CHST3: variants seen among roughly 807,000 people sequenced by gnomAD.
CHST3 encodes carbohydrate sulfotransferase 3.
A neutral mutation model predicts 35.4 loss-of-function variants in CHST3; 20 were observed. That is an observed-to-expected ratio of 0.57 (90% CI 0.40 to 0.82). The LOEUF (loss-of-function observed/expected upper bound fraction) is 0.82, where lower values mean the gene tolerates loss of function less well. Ranked by LOEUF, CHST3 falls within the 40% of genes least tolerant of loss-of-function variation. The pLI is 0.00. For missense variants in CHST3, 693 were observed against 670.1 expected (o/e 1.03, Z -0.38); for synonymous variants, 334 against 295.9 (o/e 1.13, Z -1.32).
intron 1 of CHST3, among the ~76,000 whole-genome samples, chr10:71,969,364 G>A (rs1274137354): frequency 6.6e-6 from 1 of 152,208 alleles, no homozygotes; most frequent in Non-Finnish European, 1.5e-5. Flanking sequence ...TTTCAGTCGG[G>A]GTGGTATTTT....
chr10:71,974,991 G>A (rs1178686238), intron 1 of CHST3, among the ~76,000 whole-genome samples: 1 of 152,232 alleles, frequency 6.6e-6, no homozygotes, highest in Non-Finnish European at 1.5e-5. Context: ...TCTGGGTGGG[G>A]AGGGGACAGC....
At position 71,990,586 on chromosome 10, in the gene CHST3, C is replaced by G. The variant is rs530557726; in HGVS notation, c.-107-15150C>G. Among the ~76,000 whole-genome samples, 13 of 152,318 alleles carry G rather than the reference C, an allele frequency of 8.5e-5. No homozygotes were observed. The South Asian group carries it at 2.1e-3, about 24-fold the overall frequency. On this transcript the variant is annotated intron_variant, in intron 1 of 2. Coordinates refer to ENST00000373115, the MANE Select transcript of CHST3 (RefSeq NM_004273.5). ...CCATATTGGTCAGGCTGGTCTCAAACTCCCGCCCTCAGGTGATCCACCTGC... is the reference window on the plus strand; with the variant it reads ...CCATATTGGTCAGGCTGGTCTCAAAGTCCCGCCCTCAGGTGATCCACCTGC...
intron 1 of CHST3, among the ~76,000 whole-genome samples, chr10:71,996,038 C>T (rs1302978700): frequency 1.3e-5 from 2 of 152,162 alleles, no homozygotes; most frequent in East Asian, 3.8e-4. Flanking sequence ...TGTTTGTATT[C>T]ACAAAAACAT....
In CHST3 at chr10:72,008,364, G is replaced by C; in HGVS notation, c.1333G>C (p.Gly445Arg). 2 of 1,566,254 alleles carry C rather than the reference G, an allele frequency of 1.3e-6. No individual in the cohort carries two copies. Among genetic ancestry groups the C allele is most frequent in the Middle Eastern group, 1.7e-4 (1 of 5,934 alleles). Reference protein sequence around the residue: ...KLAQVVQAACGPAMRLFGYKL... With the variant: ...KLAQVVQAACRPAMRLFGYKL... ...GGCCCAGGTGGTGCAGGCCGCCTGC[G>C]GCCCTGCCATGCGCCTCTTCGGCTA... The change falls in exon 3 of 3, where the codon GGC becomes CGC. Residue 445 changes from glycine (G) to arginine (R), a missense_variant. Gly to Arg is a moderately radical substitution (Grantham distance 125). Transcript: ENST00000373115.
chr10:71,974,321 C>G (rs1022488397), intron 1 of CHST3, among the ~76,000 whole-genome samples: 1 of 152,180 alleles, frequency 6.6e-6, no homozygotes, highest in Non-Finnish European at 1.5e-5. Flanking sequence ...AGCAATGTCT[C>G]CATTTCACAG....
rs188494077 is a variant in CHST3 at position 72,013,545 on chromosome 10, T to C, written c.*5074T>C. On this transcript the variant is annotated 3_prime_UTR_variant, in exon 3 of 3. Coordinates refer to ENST00000373115, the MANE Select transcript of CHST3 (RefSeq NM_004273.5). ...ACTTATTTAATTAAAGATGAAATCA[T>C]GCAATGAGCAAAACCTGCAGCGTGT... is the stretch of plus-strand genomic sequence containing the variant. The C allele has an allele frequency of 6.6e-6, 1 of 152,332 alleles. No homozygotes were observed. The highest frequency in any genetic ancestry group is 1.9e-4 in the East Asian group (1 of 5,186). 9.4% of individuals were successfully genotyped at this position (152,332 alleles called of 1,614,324 possible).
At chr10:71,972,523 C>A (rs1394670543) in intron 1 of CHST3, among the ~76,000 whole-genome samples, 1 of 152,162 alleles carries the variant, frequency 6.6e-6, no homozygotes, top group African/African-American at 2.4e-5. Context: ...TGATGCCACT[C>A]CCCTGTGCCC....
Position 72,007,589 on chromosome 10 carries a change from G to A in CHST3, c.558G>A (p.Leu186=), listed in dbSNP as rs1840055449. Residue 186 remains leucine (L), a synonymous_variant, in exon 3 of 3, where the codon CTG becomes CTA. Coordinates refer to ENST00000373115, the MANE Select transcript of CHST3 (RefSeq NM_004273.5). The stretch of plus-strand genomic sequence containing the variant: ...GCGCCAACGCCGCGGGCTCGGCCCT[G>A]GTGTACCGCGACGTGCTCAAGCAGC... ...PGGANAAGSA[L]VYRDVLKQLF... The A allele has an allele frequency of 1.2e-6, 2 of 1,609,296 alleles. No homozygotes were observed. Among genetic ancestry groups the A allele is most frequent in the South Asian group, 1.1e-5 (1 of 90,966 alleles).
chr10:72,007,027 A>T (rs916422910), intron 2 of CHST3, 145 bp from the exon 3 acceptor site: 50 of 894,468 alleles, frequency 5.6e-5, no homozygotes, highest in Non-Finnish European at 8.1e-5. Flanking sequence ...AAACTTACTT[A>T]AACACAAATC....
At chr10:72,006,089 C>T (rs187653651) in intron 2 of CHST3, 107 bp downstream of exon 2, 66 of 1,401,050 alleles carry the variant, frequency 4.7e-5, no homozygotes, top group African/African-American at 4.4e-4. Context: ...ATTCCTTCAA[C>T]GAGCCATCCC....
chr10:72,008,268 G>A lies in CHST3; in HGVS notation c.1237G>A (p.Gly413Ser), dbSNP rs1315027057. 2.5e-6 allele frequency: 4 copies of A among 1,582,996 alleles called. No homozygotes were observed. The highest frequency in any genetic ancestry group is 2.3e-5 in the East Asian group (1 of 43,204). Residue 413 changes from glycine (G) to serine (S), a missense_variant, in exon 3 of 3, where the codon GGC becomes AGC. Physicochemically the swap from Gly to Ser is moderately conservative, Grantham distance 56. Transcript: ENST00000373115. ...CACGCAGGCGGCCCACGACGGCAGCGGCATCTACTCCACGCAGAAGAACTC... is the reference window on the plus strand; with the variant it reads ...CACGCAGGCGGCCCACGACGGCAGCAGCATCTACTCCACGCAGAAGAACTC... Reference protein sequence around the residue: ...KNTQAAHDGSGIYSTQKNSSE... With the variant: ...KNTQAAHDGSSIYSTQKNSSE...
At chr10:72,001,690 T>C (rs1436917372) in intron 1 of CHST3, among the ~76,000 whole-genome samples, 1 of 152,090 alleles carries the variant, frequency 6.6e-6, no homozygotes, top group Non-Finnish European at 1.5e-5. Context: ...GCCAGGCTGG[T>C]CTCAAACTCC....
chr10:71,993,654 T>C (rs1326909481), intron 1 of CHST3, among the ~76,000 whole-genome samples: 1 of 152,226 alleles, frequency 6.6e-6, no homozygotes, highest in African/African-American at 2.4e-5. Flanking sequence ...AAAATGTATT[T>C]CTTAAATAAT....
intron 1 of CHST3, among the ~76,000 whole-genome samples, chr10:71,998,183 T>C (rs560659702): frequency 3.3e-5 from 5 of 152,350 alleles, no homozygotes; most frequent in African/African-American, 1.2e-4. Context: ...AAAAGAATCG[T>C]AACATTATGT....
At position 72,007,995 on chromosome 10, in the gene CHST3, A is replaced by G; in HGVS notation, c.964A>G (p.Lys322Glu). The change falls in exon 3 of 3, where the codon AAG becomes GAG. Residue 322 changes from lysine (K) to glutamate (E), a missense_variant. Physicochemically the swap from Lys to Glu is moderately conservative, Grantham distance 56 (BLOSUM62 1). Coordinates refer to ENST00000373115, the MANE Select transcript of CHST3 (RefSeq NM_004273.5). ...VAFAGKYKTW[K>E]KWLDDEGQDG... ...CTTCGCCGGCAAGTATAAGACCTGG[A>G]AGAAGTGGCTGGACGACGAGGGCCA... is the stretch of plus-strand genomic sequence containing the variant. The G allele has an allele frequency of 1.3e-6, 2 of 1,549,558 alleles. No individual in the cohort carries two copies.
intron 1 of CHST3, among the ~76,000 whole-genome samples, chr10:71,974,927 G>A (rs1828067098): frequency 6.6e-6 from 1 of 152,200 alleles, no homozygotes; most frequent in Non-Finnish European, 1.5e-5. Flanking sequence ...TGGAAGTGGT[G>A]ATGGGCATGA....
At chr10:71,992,398 G>A (rs1839904689) in intron 1 of CHST3, among the ~76,000 whole-genome samples, 2 of 151,968 alleles carry the variant, frequency 1.3e-5, no homozygotes, top group African/African-American at 2.4e-5. Context: ...GGCTGGTCTC[G>A]AACTCCTGGG....
At chr10:71,983,350 A>T (rs1839818614) in intron 1 of CHST3, among the ~76,000 whole-genome samples, 1 of 152,152 alleles carries the variant, frequency 6.6e-6, no homozygotes, top group African/African-American at 2.4e-5. Flanking sequence ...ACAGCCATTT[A>T]TCTGGGACGG....
intron 1 of CHST3, among the ~76,000 whole-genome samples, chr10:71,990,385 C>T (rs745467404): frequency 4.6e-5 from 7 of 151,612 alleles, no homozygotes; most frequent in African/African-American, 7.3e-5. Flanking sequence ...TTTTTTGACA[C>T]GGAGTTTTGC....
Sources: allele counts gnomAD v4.1 joint callset (sites outside exome capture counted in the v4.1 genomes callset), GRCh38; gene constraint gnomAD v4.1.1; transcripts MANE v1.5; gene names NCBI Gene and HGNC (gene_info 2026-07-23, HGNC 2026-07-21).